The following BACH2 variants were observed in gnomAD, a reference collection of about 807,000 sequenced individuals.
The protein encoded by BACH2 is transcription regulator protein BACH2.
BACH2 carries 5 observed loss-of-function variants against 61.8 expected under a neutral mutation model. That is an observed-to-expected ratio of 0.08 (90% CI 0.04 to 0.17). The LOEUF (loss-of-function observed/expected upper bound fraction) is 0.17. Among genes scored for constraint, BACH2 ranks in the 10% least tolerant of loss-of-function variants. The pLI is 1.00. For synonymous variants in BACH2, 446 were observed against 440.1 expected, an observed-to-expected ratio of 1.01 and a Z score of -0.17; for missense variants, 824 against 1,091.1, an observed-to-expected ratio of 0.76 and a Z score of 3.45.
Position 90,059,211 on chromosome 6 carries a change from T to C in BACH2, c.-13+29750A>G, listed in dbSNP as rs1351983690. 2.6e-5 allele frequency among the ~76,000 whole-genome samples: 4 copies of C among 152,372 alleles called. No homozygotes were observed. In the East Asian group the frequency reaches 7.7e-4, roughly 29 times the overall value. On this transcript the variant is annotated intron_variant, in intron 5 of 8. Coordinates refer to ENST00000257749, the MANE Select transcript of BACH2 (RefSeq NM_021813.4). Reference sequence around the variant, plus strand: ...CAACCTACAGAACGGGAGAAAAGTTTTGCAAGCTACTCATCTGACAAAGGG... The same window carrying C: ...CAACCTACAGAACGGGAGAAAAGTTCTGCAAGCTACTCATCTGACAAAGGG...
At chr6:90,285,636 G>GCAAC (rs1771997307) in intron 1 of BACH2, among the ~76,000 whole-genome samples, 1 of 152,194 alleles carries the variant, frequency 6.6e-6, no homozygotes, top group Non-Finnish European at 1.5e-5. Context: ...TTTCTCCCCT[G>GCAAC]CAACCAGAAG....
At chr6:90,110,044 CTT>C (rs1199188718) in intron 4 of BACH2, among the ~76,000 whole-genome samples, 1 of 152,128 alleles carries the variant, frequency 6.6e-6, no homozygotes, top group Non-Finnish European at 1.5e-5. Context: ...AGAATTAACA[CTT>C]TTACATTTTT....
intron 6 of BACH2, among the ~76,000 whole-genome samples, chr6:89,967,739 C>A (rs1325299510): frequency 1.3e-5 from 2 of 152,170 alleles, no homozygotes; most frequent in African/African-American, 2.4e-5. Flanking sequence ...TACAGAGACT[C>A]AAAGCAAAAG....
At chr6:90,102,920 C>T (rs1224742314) in intron 4 of BACH2, among the ~76,000 whole-genome samples, 1 of 143,764 alleles carries the variant, frequency 7.0e-6, no homozygotes, top group Non-Finnish European at 1.5e-5. Flanking sequence ...CTTCTTCTTT[C>T]CAACTCAGGG....
At chr6:90,120,559 T>C (rs1335350481) in intron 4 of BACH2, among the ~76,000 whole-genome samples, 1 of 152,220 alleles carries the variant, frequency 6.6e-6, no homozygotes, top group South Asian at 2.1e-4. Context: ...AGACTTGTCA[T>C]GATCTTAATT....
chr6:90,183,116 G>A (rs897864084), intron 4 of BACH2, among the ~76,000 whole-genome samples: 5 of 152,172 alleles, frequency 3.3e-5, no homozygotes, highest in Non-Finnish European at 7.3e-5. Flanking sequence ...GATGTGTATT[G>A]TGTGTGTGCA....
chr6:89,938,153 G>T lies in BACH2; in HGVS notation c.2034C>A (p.Ile678=). Residue 678 remains isoleucine, a synonymous_variant, in exon 8 of 9, where the codon ATC becomes ATA. Transcript: ENST00000257749. ...LDCIQNLECE[I]RKLVCEKEKL... ...GGATGGGTCAACTCACCAATTTGCG[G>T]ATTTCACATTCTAAATTCTGAATAC... The T allele has an allele frequency of 6.2e-7, 1 of 1,612,598 alleles. No homozygotes were observed. Among genetic ancestry groups the T allele is most frequent in the South Asian group, 1.1e-5 (1 of 91,040 alleles).
In BACH2 at chr6:90,203,345, A is replaced by G. The variant is rs975926641; in HGVS notation, c.-162+3224T>C. Among the ~76,000 whole-genome samples the G allele has an allele frequency of 4.6e-5, 6 of 130,974 alleles. No individual in the cohort carries two copies. The Admixed American group carries it at 4.6e-4, about 10-fold the overall frequency. 85.9% of individuals were successfully genotyped at this position (130,974 alleles called of 152,430 possible). ...AGGATTGCTTGAGTCCAGGAGGTTG[A>G]GCACTCCAGCCTGGGTGACAGAGCA... On this transcript the variant is annotated intron_variant, in intron 4 of 8. Coordinates refer to ENST00000257749, the MANE Select transcript of BACH2 (RefSeq NM_021813.4).
chr6:90,276,631 GA>G (rs1771701414), intron 1 of BACH2, among the ~76,000 whole-genome samples: 2 of 152,180 alleles, frequency 1.3e-5, no homozygotes. Flanking sequence ...GAGTGAGAGA[GA>G]GAGGAAATTT....
intron 3 of BACH2, among the ~76,000 whole-genome samples, chr6:90,213,843 A>G (rs750134781): frequency 6.6e-6 from 1 of 152,178 alleles, no homozygotes; most frequent in Non-Finnish European, 1.5e-5. Flanking sequence ...GCACCAGTTG[A>G]ACCTATTTCC....
At chr6:89,982,687 C>T (rs546947828) in intron 6 of BACH2, among the ~76,000 whole-genome samples, 1 of 152,124 alleles carries the variant, frequency 6.6e-6, no homozygotes, top group African/African-American at 2.4e-5. Flanking sequence ...CACGATTTTC[C>T]TATTATTTGT....
At chr6:89,982,458 G>A (rs1036771412) in intron 6 of BACH2, among the ~76,000 whole-genome samples, 3 of 152,212 alleles carry the variant, frequency 2.0e-5, no homozygotes, top group Admixed American at 2.0e-4. Context: ...AGCTTTCTCA[G>A]AGGGTTTTTA....
intron 6 of BACH2, among the ~76,000 whole-genome samples, chr6:89,959,800 C>T (rs1774638689): frequency 6.6e-6 from 1 of 152,178 alleles, no homozygotes; most frequent in African/African-American, 2.4e-5. Flanking sequence ...TCTCATATTT[C>T]CCTCTTGCTG....
chr6:90,135,299 G>A (rs117793237), intron 4 of BACH2, among the ~76,000 whole-genome samples: 107 of 152,124 alleles, frequency 7.0e-4, no homozygotes, highest in Non-Finnish European at 1.0e-3. Flanking sequence ...GCCATCTATC[G>A]CTCACATTTT....
chr6:90,080,226 C>T (rs551869575), intron 5 of BACH2, among the ~76,000 whole-genome samples: 1 of 151,982 alleles, frequency 6.6e-6, no homozygotes, highest in South Asian at 2.1e-4. Context: ...TAAAACAGAG[C>T]GGGCTGTGAG....
At chr6:90,053,363 T>C (rs1168717544) in intron 5 of BACH2, among the ~76,000 whole-genome samples, 1 of 152,194 alleles carries the variant, frequency 6.6e-6, no homozygotes, top group Non-Finnish European at 1.5e-5. Context: ...CACTGCAGTC[T>C]TCAACTCCTG....
At chr6:89,981,318 T>G (rs1775942867) in intron 6 of BACH2, among the ~76,000 whole-genome samples, 1 of 143,624 alleles carries the variant, frequency 7.0e-6, no homozygotes, top group South Asian at 2.3e-4. Context: ...TCTTTTTGTA[T>G]TTTTACTATA....
chr6:90,015,952 T>C (rs543276729), intron 5 of BACH2, among the ~76,000 whole-genome samples: 1 of 152,336 alleles, frequency 6.6e-6, no homozygotes, highest in Non-Finnish European at 1.5e-5. Flanking sequence ...TCCTATTAGA[T>C]GCATATATAT....
At position 90,252,510 on chromosome 6, in the gene BACH2, T is replaced by G. The variant is rs1770844268; in HGVS notation, c.-275+3A>C. 6.6e-6 allele frequency: 1 copy of G among 152,198 alleles called. No homozygotes were observed. Among genetic ancestry groups the G allele is most frequent in the Non-Finnish European group, 1.5e-5 (1 of 68,040 alleles). 9.4% of individuals were successfully genotyped at this position (152,198 alleles called of 1,614,324 possible). ...AGTCTCTTTCCTTAAAAGTAAAACT[T>G]ACAATGATCAGAAAGCATGCTTTCT... On this transcript the variant is annotated splice_donor_region_variant and intron_variant, in intron 3 of 8. Coordinates refer to ENST00000257749, the MANE Select transcript of BACH2 (RefSeq NM_021813.4).
Sources: allele counts gnomAD v4.1 joint callset (sites outside exome capture counted in the v4.1 genomes callset), GRCh38; gene constraint gnomAD v4.1.1; transcripts MANE v1.5; gene names NCBI Gene and HGNC (gene_info 2026-07-23, HGNC 2026-07-21).